DLGAP2: variants seen among roughly 807,000 people sequenced by gnomAD.
DLGAP2 encodes disks large-associated protein 2.
In DLGAP2, 26 loss-of-function variants were observed where a neutral mutation model predicts 100.3. The ratio of observed to expected loss-of-function variants is 0.26; its 90% confidence interval spans 0.19 to 0.36. The LOEUF is 0.36. Ranked by LOEUF, DLGAP2 falls within the 10% of genes least tolerant of loss-of-function variation. The probability of loss-of-function intolerance (pLI) is 1.00; values close to 1 mark genes in which losing one functional copy is unlikely to be tolerated. For missense variants in DLGAP2, 1,858 were observed against 1,453.2 expected (o/e 1.28, Z -4.53); for synonymous variants, 886 against 630.1 (o/e 1.41, Z -6.08).
Position 862,709 on chromosome 8 carries a change from C to T in DLGAP2, c.19-45203C>T, listed in dbSNP as rs565487702. Among the ~76,000 whole-genome samples the T allele has an allele frequency of 3.9e-5, 6 of 152,218 alleles. No individual in the cohort carries two copies. In the South Asian group the frequency reaches 1.2e-3, roughly 32 times the overall value. ...GCAAGTGAGAACAGATCTTGTCCAC[C>T]GTTACTTGGAACCTCAGGTGTTTTG... On this transcript the variant is annotated intron_variant, in intron 1 of 14. Coordinates refer to ENST00000637795, the MANE Select transcript of DLGAP2 (RefSeq NM_001346810.2).
At chr8:1,072,854 G>A (rs554411435) in intron 2 of DLGAP2, among the ~76,000 whole-genome samples, 45 of 152,300 alleles carry the variant, frequency 3.0e-4, no homozygotes, top group South Asian at 1.2e-3. Context: ...GGAAGGTTTC[G>A]GGGAGGCTGA....
chr8:1,480,107 G>A (rs1489268593), intron 3 of DLGAP2, among the ~76,000 whole-genome samples: 3 of 152,206 alleles, frequency 2.0e-5, no homozygotes, highest in Non-Finnish European at 2.9e-5. Flanking sequence ...CCCGCGCAGT[G>A]CAGAGCCGAA....
intron 1 of DLGAP2, among the ~76,000 whole-genome samples, chr8:882,396 C>T (rs536325174): frequency 1.4e-5 from 2 of 144,476 alleles, no homozygotes; most frequent in South Asian, 4.5e-4. Context: ...CGGTACCTCT[C>T]CCTGCGGAGG....
intron 5 of DLGAP2, among the ~76,000 whole-genome samples, chr8:1,560,955 T>C (rs1802137715): frequency 6.6e-6 from 1 of 152,134 alleles, no homozygotes; most frequent in Non-Finnish European, 1.5e-5. Flanking sequence ...ATACCCGATA[T>C]GGTTTGTGTC....
chr8:1,255,225 G>A (rs1411183234), intron 2 of DLGAP2, among the ~76,000 whole-genome samples: 5 of 91,290 alleles, frequency 5.5e-5, no homozygotes, highest in African/African-American at 2.6e-4. Flanking sequence ...ATCCTGCCTG[G>A]GTGCTGTGTG....
chr8:1,508,666 A>G (rs1369093573), intron 4 of DLGAP2, among the ~76,000 whole-genome samples: 1 of 149,546 alleles, frequency 6.7e-6, no homozygotes, highest in Non-Finnish European at 1.5e-5. Context: ...AGCAGGCTCA[A>G]CGTGGCGGGG....
chr8:1,343,814 C>T (rs1298955621), intron 3 of DLGAP2, among the ~76,000 whole-genome samples: 1 of 152,132 alleles, frequency 6.6e-6, no homozygotes, highest in Non-Finnish European at 1.5e-5. Flanking sequence ...ACGAGATCCT[C>T]CCTGCACGTC....
chr8:1,586,639 C>G (rs1472326518), intron 6 of DLGAP2, among the ~76,000 whole-genome samples: 1 of 152,178 alleles, frequency 6.6e-6, no homozygotes, highest in Non-Finnish European at 1.5e-5. Flanking sequence ...GTGGAAGGCC[C>G]TAGGGGTCAG....
At chr8:888,754 CT>C (rs1740715076) in intron 1 of DLGAP2, among the ~76,000 whole-genome samples, 1 of 152,080 alleles carries the variant, frequency 6.6e-6, no homozygotes, top group South Asian at 2.1e-4. Flanking sequence ...GTGCCTGTTC[CT>C]TCTTCTGGGA....
intron 8 of DLGAP2, among the ~76,000 whole-genome samples, chr8:1,648,227 C>T (rs1034131220): frequency 6.6e-6 from 1 of 152,180 alleles, no homozygotes; most frequent in African/African-American, 2.4e-5. Flanking sequence ...AAGTTATAAA[C>T]TCCACTGTGC....
intron 1 of DLGAP2, among the ~76,000 whole-genome samples, chr8:880,845 A>C (rs775226141): frequency 9.2e-5 from 14 of 152,208 alleles, no homozygotes; most frequent in South Asian, 2.1e-4. Flanking sequence ...TTTTGCTAAG[A>C]AGTTCCTCCC....
intron 2 of DLGAP2, among the ~76,000 whole-genome samples, chr8:937,825 G>A (rs975785399): frequency 2.6e-5 from 4 of 152,190 alleles, no homozygotes; most frequent in African/African-American, 7.2e-5. Context: ...GAAAGTGAAG[G>A]AGTGGGATCG....
intron 3 of DLGAP2, among the ~76,000 whole-genome samples, chr8:1,340,097 G>A (rs1232290698): frequency 6.6e-6 from 1 of 152,150 alleles, no homozygotes; most frequent in African/African-American, 2.4e-5. Flanking sequence ...AATTCAAGAT[G>A]CATTGAAGAC....
At chr8:955,352 G>T (rs1799572713) in intron 2 of DLGAP2, among the ~76,000 whole-genome samples, 2 of 152,076 alleles carry the variant, frequency 1.3e-5, no homozygotes, top group South Asian at 4.1e-4. Context: ...GCCTCTCAAT[G>T]TCAGAAGCAG....
chr8:1,042,665 G>A (rs539553489), intron 2 of DLGAP2, among the ~76,000 whole-genome samples: 1 of 152,294 alleles, frequency 6.6e-6, no homozygotes, highest in East Asian at 1.9e-4. Context: ...GAAGTCCTGG[G>A]GGCTTGGATG....
chr8:1,184,379 C>T (rs565923409), intron 2 of DLGAP2, among the ~76,000 whole-genome samples: 5 of 152,306 alleles, frequency 3.3e-5, no homozygotes, highest in South Asian at 4.1e-4. Flanking sequence ...AGCGGCTGTC[C>T]GCAAGCTCAT....
At chr8:1,252,868 G>A (rs1799079853) in intron 2 of DLGAP2, among the ~76,000 whole-genome samples, 1 of 152,218 alleles carries the variant, frequency 6.6e-6, no homozygotes, top group Admixed American at 6.5e-5. Flanking sequence ...AGACGTTGGT[G>A]TTTTTCTCCC....
intron 2 of DLGAP2, among the ~76,000 whole-genome samples, chr8:1,091,771 A>G (rs1158808885): frequency 5.3e-5 from 8 of 151,952 alleles, no homozygotes; most frequent in Admixed American, 3.9e-4. Flanking sequence ...AGTCTCCTCC[A>G]TGGCCCCCGA....
At chr8:955,285 C>G (rs1265620322) in intron 2 of DLGAP2, among the ~76,000 whole-genome samples, 4 of 152,092 alleles carry the variant, frequency 2.6e-5, no homozygotes, top group Middle Eastern at 3.2e-3. Flanking sequence ...GGAGTTAAAC[C>G]TGTGGTGCCT....
Sources: gnomAD v4.1 joint callset for allele counts (sites outside exome capture counted in the v4.1 genomes callset) on GRCh38, gnomAD v4.1.1 for gene constraint, MANE v1.5 for transcripts, NCBI Gene and HGNC (gene_info 2026-07-23, HGNC 2026-07-21) for gene names.